SLC1A1: variants seen among roughly 807,000 people sequenced by gnomAD.
The protein encoded by SLC1A1 is excitatory amino acid transporter 3.
In SLC1A1, 43 loss-of-function variants were observed where a neutral mutation model predicts 53.3. The ratio of observed to expected loss-of-function variants is 0.81; its 90% CI spans 0.63 to 1.04. SLC1A1 has a LOEUF of 1.04. Among genes scored for constraint, SLC1A1 ranks in the 50% least tolerant of loss-of-function variants. The pLI, the probability that SLC1A1 is intolerant of heterozygous loss-of-function variation, is 0.00. For synonymous variants in SLC1A1, 307 were observed against 243.2 expected (o/e 1.26, Z -2.44); for missense variants, 748 against 664.9 (o/e 1.12, Z -1.37).
chr9:4,510,405 CTCT>C (rs1820961342), intron 1 of SLC1A1, among the ~76,000 whole-genome samples: 1 of 152,168 alleles, frequency 6.6e-6, no homozygotes. Flanking sequence ...TAATTTAGGA[CTCT>C]TCTAATTGTA....
chr9:4,526,666 C>G (rs568837282), intron 1 of SLC1A1, among the ~76,000 whole-genome samples: 1 of 152,184 alleles, frequency 6.6e-6, no homozygotes, highest in Admixed American at 6.5e-5. Flanking sequence ...AATACTCTTT[C>G]AAAGAATCAA....
At chr9:4,573,348 T>C (rs1564058185) in intron 7 of SLC1A1, among the ~76,000 whole-genome samples, 2 of 152,120 alleles carry the variant, frequency 1.3e-5, no homozygotes, top group Non-Finnish European at 1.5e-5. Context: ...TCATCATCTG[T>C]TAAAAAGGAT....
intron 1 of SLC1A1, among the ~76,000 whole-genome samples, chr9:4,492,043 A>C (rs1248958887): frequency 6.6e-6 from 1 of 152,196 alleles, no homozygotes; most frequent in East Asian, 1.9e-4. Context: ...GTAAATAAAT[A>C]ACATCCTGGA....
chr9:4,541,455 G>T (rs1817000556), intron 1 of SLC1A1, among the ~76,000 whole-genome samples: 1 of 152,126 alleles, frequency 6.6e-6, no homozygotes, highest in Non-Finnish European at 1.5e-5. Flanking sequence ...CAATTTAAAA[G>T]CAAGTATTTA....
intron 1 of SLC1A1, among the ~76,000 whole-genome samples, chr9:4,514,475 G>C (rs543727854): frequency 6.6e-6 from 1 of 152,158 alleles, no homozygotes; most frequent in Non-Finnish European, 1.5e-5. Context: ...GCTTGGGGAC[G>C]CACATGTCAC....
intron 6 of SLC1A1, among the ~76,000 whole-genome samples, chr9:4,568,000 G>C (rs1173841101): frequency 6.6e-6 from 1 of 152,148 alleles, no homozygotes; most frequent in African/African-American, 2.4e-5. Context: ...TCCCAGCTAA[G>C]GTGAAAAAGG....
chr9:4,545,220 C>CTCTCTCTCTCTCT (rs1817386642), intron 2 of SLC1A1, among the ~76,000 whole-genome samples: 7 of 34,770 alleles, frequency 2.0e-4, no homozygotes, highest in Non-Finnish European at 3.6e-4. Context: ...TCTCTCTCTC[C>CTCTCTCTCTCTCT]ACCTCTCTCC....
chr9:4,525,431 G>GC (rs1186410421), intron 1 of SLC1A1, among the ~76,000 whole-genome samples: 2 of 152,058 alleles, frequency 1.3e-5, no homozygotes, highest in African/African-American at 4.8e-5. Flanking sequence ...TAGCCTGTAG[G>GC]TAGACTTTCA....
Position 4,525,836 on chromosome 9 carries a change from A to T in SLC1A1, c.92-18731A>T, listed in dbSNP as rs375547881. On this transcript the variant is annotated intron_variant, in intron 1 of 11. Transcript: ENST00000262352. ...ATATATAAAAACCCTCCAAGGACCC[A>T]TAGATTTGGAAACTGAAACTCATAT... 5.1e-4 allele frequency among the ~76,000 whole-genome samples: 78 copies of T among 152,326 alleles called. No homozygotes were observed. In the East Asian group the frequency reaches 0.014, roughly 27 times the overall value.
At position 4,585,394 on chromosome 9, in the gene SLC1A1, G is replaced by C. The variant is rs201892735; in HGVS notation, c.1411G>C (p.Glu471Gln). ...GGAAAAGCTCTCCAAGAAGGAGCTG[G>C]AGCAGATGGATGTTTCATCTGAAGT... Reference protein sequence around the residue: ...IVEKLSKKELEQMDVSSEVNI... With the variant: ...IVEKLSKKELQQMDVSSEVNI... Residue 471 changes from glutamate (E) to glutamine (Q), a missense_variant, in exon 12 of 12, where the codon GAG (glutamate) becomes CAG (glutamine). Physicochemically the swap from Glu to Gln is conservative, Grantham distance 29. Transcript: ENST00000262352. The C allele has an allele frequency of 4.9e-5, 79 of 1,614,096 alleles. No homozygotes were observed. Among genetic ancestry groups the C allele is most frequent in the African/African-American group, 1.3e-5 (1 of 74,940 alleles).
rs544036530 is a variant in SLC1A1 at position 4,528,069 on chromosome 9, T to G, written c.92-16498T>G. Among the ~76,000 whole-genome samples, 8 of 152,272 alleles carry G rather than the reference T, an allele frequency of 5.3e-5. 1 individual carries two copies. The highest frequency in any genetic ancestry group is 1.7e-4 in the African/African-American group (7 of 41,554). On this transcript the variant is annotated intron_variant, in intron 1 of 11. Transcript: ENST00000262352. ...AAAGTCTCATTTAAACCTTCTAGTGTAGCTTCTGTTATGCCAGGGATATTA... is the reference window on the plus strand; with the variant it reads ...AAAGTCTCATTTAAACCTTCTAGTGGAGCTTCTGTTATGCCAGGGATATTA...
intron 2 of SLC1A1, among the ~76,000 whole-genome samples, chr9:4,547,622 C>T (rs144695922): frequency 1.3e-5 from 2 of 152,312 alleles, no homozygotes; most frequent in African/African-American, 4.8e-5. Context: ...GGAGCATGTT[C>T]TGATCTCTTC....
intron 1 of SLC1A1, among the ~76,000 whole-genome samples, chr9:4,492,328 G>C (rs1029936960): frequency 2.0e-5 from 3 of 152,036 alleles, no homozygotes; most frequent in Non-Finnish European, 2.9e-5. Flanking sequence ...TTTGAAGACT[G>C]AGAGATGCCA....
chr9:4,514,510 G>T (rs1821100367), intron 1 of SLC1A1, among the ~76,000 whole-genome samples: 1 of 152,162 alleles, frequency 6.6e-6, no homozygotes, highest in Admixed American at 6.5e-5. Flanking sequence ...AGGTTGGGAA[G>T]GCTTTCCAAA....
intron 1 of SLC1A1, among the ~76,000 whole-genome samples, chr9:4,542,963 C>T (rs1817146757): frequency 6.6e-6 from 1 of 152,070 alleles, no homozygotes; most frequent in Non-Finnish European, 1.5e-5. Context: ...AGTGTGTAAA[C>T]ACTACTGAAT....
At chr9:4,570,191 G>T (rs1005643962) in intron 6 of SLC1A1, among the ~76,000 whole-genome samples, 17 of 152,178 alleles carry the variant, frequency 1.1e-4, no homozygotes, top group Non-Finnish European at 1.8e-4. Flanking sequence ...TCATAGTTTG[G>T]GCGCACAATT....
At chr9:4,577,186 C>T (rs139264191) in intron 10 of SLC1A1, among the ~76,000 whole-genome samples, 32 of 152,254 alleles carry the variant, frequency 2.1e-4, no homozygotes, top group Admixed American at 1.1e-3. Context: ...GGAAGGTGAA[C>T]GATGGCTTCC....
intron 1 of SLC1A1, among the ~76,000 whole-genome samples, chr9:4,499,587 C>CA (rs34428793): frequency 0.74 from 111,967 of 152,108 alleles, 41,481 homozygotes; most frequent in East Asian, 0.81. Flanking sequence ...ATCAAAACTC[C>CA]AACAAAATGA....
chr9:4,497,661 G>A (rs56873369), intron 1 of SLC1A1, among the ~76,000 whole-genome samples: 4,651 of 152,172 alleles, frequency 0.031, 199 homozygotes, highest in African/African-American at 0.1. Flanking sequence ...ATTAACACTT[G>A]ATGAATCTAT....
Sources: allele counts gnomAD v4.1 joint callset (sites outside exome capture counted in the v4.1 genomes callset), GRCh38; gene constraint gnomAD v4.1.1; transcripts MANE v1.5; gene names NCBI Gene and HGNC (gene_info 2026-07-23, HGNC 2026-07-21).